CNNM2: variants seen among roughly 807,000 people sequenced by gnomAD.
The protein encoded by CNNM2 is cyclin and CBS domain divalent metal cation transport mediator 2, also known as metal transporter CNNM2.
Under a neutral mutation model 66.9 loss-of-function variants are expected in CNNM2, and 12 were observed. The observed-to-expected ratio is 0.18, with a 90% CI of 0.11 to 0.29. CNNM2 has a LOEUF of 0.29. CNNM2 is among the 10% of genes least tolerant of loss of function. The probability of loss-of-function intolerance (pLI) is 1.00; values close to 1 mark genes in which losing one functional copy is unlikely to be tolerated. For missense variants in CNNM2, 705 were observed against 1,167.7 expected (o/e 0.60, Z 5.77); for synonymous variants, 557 against 501.8 (o/e 1.11, Z -1.47).
chr10:102,982,592 A>G (rs2063735056), intron 1 of CNNM2, among the ~76,000 whole-genome samples: 1 of 152,200 alleles, frequency 6.6e-6, no homozygotes, highest in South Asian at 2.1e-4. Context: ...CTGTGTAATC[A>G]AGACTGTAAA....
intron 1 of CNNM2, among the ~76,000 whole-genome samples, chr10:102,978,935 G>A (rs2134227301): frequency 6.6e-6 from 1 of 152,290 alleles, no homozygotes; most frequent in Middle Eastern, 3.4e-3. Context: ...CATCCATGAT[G>A]TTTTATGAAA....
intron 6 of CNNM2, among the ~76,000 whole-genome samples, chr10:103,072,529 G>A (rs1233677199): frequency 2.6e-5 from 4 of 151,006 alleles, no homozygotes; most frequent in Non-Finnish European, 5.9e-5. Context: ...CCAGGCAGGC[G>A]ACCCCGCTTC....
intron 1 of CNNM2, among the ~76,000 whole-genome samples, chr10:103,010,326 C>T (rs373506877): frequency 6.6e-6 from 1 of 151,944 alleles, no homozygotes; most frequent in Admixed American, 6.6e-5. Flanking sequence ...CAGCCTGGAC[C>T]TCCTGGGGTC....
rs1362410686 is a variant in CNNM2, at chr10:103,076,967, C to T, written c.2419-4C>T. ...TTGTTTTCTGTGCCATCTTCTGGCC[C>T]CAGATCTCAAGACAGCAATACCAAA... On this transcript the variant is annotated splice_polypyrimidine_tract_variant and splice_region_variant and intron_variant, in intron 7 of 7. Coordinates refer to ENST00000369878, the MANE Select transcript of CNNM2 (RefSeq NM_017649.5). 6.2e-7 allele frequency: 1 copy of T among 1,613,290 alleles called. No individual in the cohort carries two copies. The highest frequency in any genetic ancestry group is 1.1e-5 in the South Asian group (1 of 91,082).
rs151193266 is a variant in CNNM2, at chr10:103,049,693, T to C, written c.1622-14T>C. On this transcript the variant is annotated splice_polypyrimidine_tract_variant and intron_variant, in intron 1 of 7. Coordinates refer to ENST00000369878, the MANE Select transcript of CNNM2 (RefSeq NM_017649.5). ...TCAGAAAGTCACTTCCTAAACTTTT[T>C]CTTGTCTCTAAAGGTAAATCTCACC... 1.9e-6 allele frequency: 3 copies of C among 1,604,014 alleles called. No homozygotes were observed. The highest frequency in any genetic ancestry group is 2.6e-6 in the Non-Finnish European group (3 of 1,174,970).
At chr10:103,009,663 G>A (rs913562284) in intron 1 of CNNM2, among the ~76,000 whole-genome samples, 14 of 122,506 alleles carry the variant, frequency 1.1e-4, no homozygotes, top group African/African-American at 4.4e-4. Flanking sequence ...CTACATTCTA[G>A]CCTGAGTCTC....
At chr10:103,063,068 C>T (rs2065416087) in intron 4 of CNNM2, among the ~76,000 whole-genome samples, 1 of 152,220 alleles carries the variant, frequency 6.6e-6, no homozygotes, top group Admixed American at 6.5e-5. Context: ...AAGGCGGGTG[C>T]TGGCACTGAC....
chr10:103,051,953 T>A (rs1478168709), intron 2 of CNNM2, among the ~76,000 whole-genome samples: 1 of 152,034 alleles, frequency 6.6e-6, no homozygotes, highest in East Asian at 1.9e-4. Flanking sequence ...GTTTACGTTC[T>A]TTTCATCCTT....
At position 103,011,135 on chromosome 10, in the gene CNNM2, T is replaced by C. The variant is rs572936509; in HGVS notation, c.1622-38572T>C. Among the ~76,000 whole-genome samples, 42 of 152,302 alleles carry C rather than the reference T, an allele frequency of 2.8e-4. 1 individual carries two copies. In the South Asian group the frequency reaches 3.9e-3, roughly 14 times the overall value. On this transcript the variant is annotated intron_variant, in intron 1 of 7. Transcript: ENST00000369878. ...TCTGCACATACTGAGGAAAGGTGTGTGTCAGTGAGTTGCTTCTTTGCTTAA... is the reference window on the plus strand; with the variant it reads ...TCTGCACATACTGAGGAAAGGTGTGCGTCAGTGAGTTGCTTCTTTGCTTAA...
intron 5 of CNNM2, among the ~76,000 whole-genome samples, chr10:103,071,105 A>G (rs2065572429): frequency 2.0e-5 from 3 of 152,184 alleles, no homozygotes; most frequent in Admixed American, 2.0e-4. Flanking sequence ...GTCTGGGGAA[A>G]ACCGACAATA....
chr10:103,071,909 C>CGTGA, intron 6 of CNNM2, 70 bp downstream of exon 6: 1 of 1,356,862 alleles, frequency 7.4e-7, no homozygotes, highest in Non-Finnish European at 1.1e-6. Context: ...GCCTGGCTGG[C>CGTGA]TGGGTCTGCT....
chr10:102,973,189 A>G (rs1375834274), intron 1 of CNNM2, among the ~76,000 whole-genome samples: 3 of 148,162 alleles, frequency 2.0e-5, no homozygotes. Context: ...CTTCTCTTCT[A>G]GTGTTTCTTT....
intron 1 of CNNM2, among the ~76,000 whole-genome samples, chr10:103,017,716 A>G (rs1022038897): frequency 2.6e-5 from 4 of 152,190 alleles, no homozygotes; most frequent in Non-Finnish European, 5.9e-5. Context: ...CTGTAATCCC[A>G]GCACTTTGGG....
intron 1 of CNNM2, among the ~76,000 whole-genome samples, chr10:103,047,271 C>T (rs1259542633): frequency 1.3e-5 from 2 of 152,212 alleles, no homozygotes; most frequent in Non-Finnish European, 2.9e-5. Flanking sequence ...CCAGTATACT[C>T]ATGGGTGAAA....
At chr10:103,055,277 G>A (rs2065277985) in intron 3 of CNNM2, among the ~76,000 whole-genome samples, 1 of 152,234 alleles carries the variant, frequency 6.6e-6, no homozygotes, top group Non-Finnish European at 1.5e-5. Flanking sequence ...TAGGCAGCCA[G>A]TGCCTTTCAT....
At chr10:102,956,512 C>T (rs540796410) in intron 1 of CNNM2, among the ~76,000 whole-genome samples, 5 of 152,098 alleles carry the variant, frequency 3.3e-5, no homozygotes, top group Non-Finnish European at 5.9e-5. Flanking sequence ...TATAAAGACA[C>T]GTGCACACGT....
chr10:102,945,617 T>C (rs1473194863), intron 1 of CNNM2, among the ~76,000 whole-genome samples: 1 of 151,852 alleles, frequency 6.6e-6, no homozygotes, highest in Admixed American at 6.6e-5. Flanking sequence ...GGCTCTCTCC[T>C]CTCTCTGCCT....
rs970957180 is a variant in CNNM2 at position 103,054,275 on chromosome 10, C to T, written c.1766-54C>T. On this transcript the variant is annotated intron_variant, in intron 2 of 7. Transcript: ENST00000369878. The surrounding 1 kb of genome is among the most constrained non-coding windows in gnomAD (Gnocchi z 5.2). ...TTGTCTTTTTCATTCAAAAAGAGCCCTCATCTCATGGGATGCATTTCTTTT... is the reference window on the plus strand; with the variant it reads ...TTGTCTTTTTCATTCAAAAAGAGCCTTCATCTCATGGGATGCATTTCTTTT... 2.5e-6 allele frequency: 4 copies of T among 1,582,034 alleles called. No individual in the cohort carries two copies. Among genetic ancestry groups the T allele is most frequent in the East Asian group, 2.3e-5 (1 of 44,280 alleles).
Position 103,089,375 on chromosome 10 carries a change from G to C in CNNM2, c.*12195G>C, listed in dbSNP as rs554128938. 9 of 297,720 alleles carry C rather than the reference G, an allele frequency of 3.0e-5. No individual in the cohort carries two copies. Among genetic ancestry groups the C allele is most frequent in the East Asian group, 2.1e-4 (4 of 19,204 alleles). The allele number at this position is 297,720 out of a possible 1,614,324, so 18.4% of individuals were successfully genotyped here. On this transcript the variant is annotated 3_prime_UTR_variant, in exon 8 of 8. Coordinates refer to ENST00000369878, the MANE Select transcript of CNNM2 (RefSeq NM_017649.5). ...GTGTATCCAGATACACTGACATACGGATGATTTTAAAAGTGTCACAAGCCA... is the reference window on the plus strand; with the variant it reads ...GTGTATCCAGATACACTGACATACGCATGATTTTAAAAGTGTCACAAGCCA...
Sources: allele counts gnomAD v4.1 joint callset (sites outside exome capture counted in the v4.1 genomes callset), GRCh38; gene constraint gnomAD v4.1.1; non-coding constraint Gnocchi (gnomAD v3.1); transcripts MANE v1.5; gene names NCBI Gene and HGNC (gene_info 2026-07-23, HGNC 2026-07-21).